AP2B1: variants seen among roughly 807,000 people sequenced by gnomAD.
The protein encoded by AP2B1 is adaptor related protein complex 2 subunit beta 1.
AP2B1 carries 23 observed loss-of-function variants against 102.0 expected under a neutral mutation model. The observed-to-expected ratio is 0.23, with a 90% CI of 0.16 to 0.32. The LOEUF (loss-of-function observed/expected upper bound fraction) is 0.32. Ranked by LOEUF, AP2B1 falls within the 10% of genes least tolerant of loss-of-function variation. AP2B1 has a pLI of 1.00. For missense variants in AP2B1, 541 were observed against 1,157.4 expected (o/e 0.47, Z 7.73); for synonymous variants, 381 against 421.2 (o/e 0.90, Z 1.17).
intron 3 of AP2B1, among the ~76,000 whole-genome samples, chr17:35,602,279 A>G (rs1317344084): frequency 1.3e-5 from 2 of 152,266 alleles, no homozygotes; most frequent in African/African-American, 4.8e-5. Flanking sequence ...ACTGAAGTGT[A>G]TATTTTAAAG....
At chr17:35,722,351 T>C (rs771607798) in intron 21 of AP2B1, among the ~76,000 whole-genome samples, 14 of 152,152 alleles carry the variant, frequency 9.2e-5, no homozygotes, top group Non-Finnish European at 1.8e-4. Context: ...ATAGCTATAT[T>C]CTTAAGTTAG....
At position 35,593,457 on chromosome 17, in the gene AP2B1, T is replaced by A. The variant is rs1047747530; in HGVS notation, c.-23-551T>A. Among the ~76,000 whole-genome samples the A allele has an allele frequency of 6.2e-5, 7 of 113,042 alleles. No homozygotes were observed. The South Asian group carries it at 1.5e-3, about 24-fold the overall frequency. 74.2% of individuals were successfully genotyped at this position (113,042 alleles called of 152,430 possible). The stretch of plus-strand genomic sequence containing the variant: ...CCCACAAAACTAAAAATTAAAAAAA[T>A]TCCATGCATAAGTCATGGTTGCCTC... On this transcript the variant is annotated intron_variant, in intron 1 of 21. Transcript: ENST00000610402.
intron 18 of AP2B1, among the ~76,000 whole-genome samples, chr17:35,706,725 C>T (rs2076346958): frequency 6.6e-6 from 1 of 152,034 alleles, no homozygotes; most frequent in Non-Finnish European, 1.5e-5. Flanking sequence ...ACTGCAACCT[C>T]TGCCTCCCGG....
At chr17:35,627,196 T>G (rs1333456049) in intron 7 of AP2B1, among the ~76,000 whole-genome samples, 189 bp from the exon 8 acceptor site, 1 of 148,598 alleles carries the variant, frequency 6.7e-6, no homozygotes, top group East Asian at 2.0e-4. Context: ...ATAAAAATAA[T>G]CTGCCAAGTG....
intron 20 of AP2B1, 75 bp from the exon 21 acceptor site, chr17:35,717,119 TA>T (rs1178114888): frequency 6.6e-7 from 1 of 1,504,626 alleles, no homozygotes; most frequent in East Asian, 2.3e-5. Context: ...ACATGGCTCA[TA>T]AGGATGTGAG....
intron 14 of AP2B1, among the ~76,000 whole-genome samples, chr17:35,666,369 G>A (rs1017673605): frequency 6.6e-6 from 1 of 152,188 alleles, no homozygotes; most frequent in Non-Finnish European, 1.5e-5. Context: ...ACAAATGTTA[G>A]TATTATTCTC....
intron 20 of AP2B1, 84 bp from the exon 21 acceptor site, chr17:35,717,111 A>T: frequency 6.8e-7 from 1 of 1,466,620 alleles, no homozygotes; most frequent in Non-Finnish European, 9.4e-7. Flanking sequence ...CTGAACACAC[A>T]TGGCTCATAA....
chr17:35,608,296 T>C lies in AP2B1; in HGVS notation c.434T>C (p.Val145Ala). ...GTTCGGAAAACAGCAGCAGTCTGCG[T>C]GGCAAAACTCCATGATATCAATGCC... ...PYVRKTAAVC[V>A]AKLHDINAQM... The change falls in exon 5 of 22, where the codon GTG (valine) becomes GCG (alanine). Residue 145 changes from valine (V) to alanine (A), a missense_variant. Physicochemically the swap from Val to Ala is moderately conservative, Grantham distance 64. Coordinates refer to ENST00000610402, the MANE Select transcript of AP2B1 (RefSeq NM_001030006.2). 4.3e-6 allele frequency: 7 copies of C among 1,614,212 alleles called. No individual in the cohort carries two copies. The highest frequency in any genetic ancestry group is 5.9e-6 in the Non-Finnish European group (7 of 1,180,038).
chr17:35,668,666 A>T (rs556418998), intron 14 of AP2B1, among the ~76,000 whole-genome samples: 1 of 152,224 alleles, frequency 6.6e-6, no homozygotes, highest in African/African-American at 2.4e-5. Flanking sequence ...TTTAAAACAC[A>T]TATCAACCCT....
chr17:35,590,390 C>T lies in AP2B1; in HGVS notation c.-24+2962C>T, dbSNP rs536111200. Among the ~76,000 whole-genome samples, 10 of 152,138 alleles carry T rather than the reference C, an allele frequency of 6.6e-5. No homozygotes were observed. In the South Asian group the frequency reaches 1.5e-3, roughly 22 times the overall value. On this transcript the variant is annotated intron_variant, in intron 1 of 21. Coordinates refer to ENST00000610402, the MANE Select transcript of AP2B1 (RefSeq NM_001030006.2). ...TGATTTTTTTTTGAGGTGAAATTCA[C>T]GTACCATAAAATTAACCAGGTTAAG...
At chr17:35,688,142 C>T (rs946694404) in intron 18 of AP2B1, among the ~76,000 whole-genome samples, 2 of 152,200 alleles carry the variant, frequency 1.3e-5, no homozygotes, top group Non-Finnish European at 2.9e-5. Flanking sequence ...CCTTCATCAG[C>T]TCTCTCCTAC....
At position 35,724,741 on chromosome 17, in the gene AP2B1, G is replaced by A. The variant is rs147842148; in HGVS notation, c.*1042G>A. ...CCGAGACCGAGTCTCCTAAGTCCCCGTCAGTGTGGTTTTCACCACAGGACT... is the reference window on the plus strand; with the variant it reads ...CCGAGACCGAGTCTCCTAAGTCCCCATCAGTGTGGTTTTCACCACAGGACT... On this transcript the variant is annotated 3_prime_UTR_variant, in exon 22 of 22. Coordinates refer to ENST00000610402, the MANE Select transcript of AP2B1 (RefSeq NM_001030006.2). The A allele has an allele frequency of 3.8e-4, 58 of 152,318 alleles. No individual in the cohort carries two copies. The highest frequency in any genetic ancestry group is 1.3e-3 in the African/African-American group (54 of 41,570). The allele number at this position is 152,318 out of a possible 1,614,324, so 9.4% of individuals were successfully genotyped here.
In AP2B1 at chr17:35,637,773, C is replaced by A. The variant is rs907638730; in HGVS notation, c.1271+1317C>A. Among the ~76,000 whole-genome samples the A allele has an allele frequency of 7.9e-4, 119 of 150,532 alleles. 1 individual carries two copies. Among genetic ancestry groups the A allele is most frequent in the Non-Finnish European group, 2.8e-4 (19 of 67,804 alleles). ...TGATCTCAGCTCACTGCAACCTCTGCCTCCCGGGTTCAAACATTCTCCTGC... is the reference window on the plus strand; with the variant it reads ...TGATCTCAGCTCACTGCAACCTCTGACTCCCGGGTTCAAACATTCTCCTGC... On this transcript the variant is annotated intron_variant, in intron 10 of 21. Transcript: ENST00000610402.
intron 14 of AP2B1, among the ~76,000 whole-genome samples, chr17:35,669,556 T>A (rs2075543234): frequency 6.6e-6 from 1 of 152,352 alleles, no homozygotes; most frequent in South Asian, 2.1e-4. Context: ...ATGCTTATAG[T>A]TTACAACAGA....
chr17:35,620,403 C>T (rs1950643781), intron 5 of AP2B1, among the ~76,000 whole-genome samples: 2 of 152,242 alleles, frequency 1.3e-5, no homozygotes, highest in East Asian at 3.9e-4. Flanking sequence ...TATGATTATG[C>T]CACTACACTG....
In AP2B1 at chr17:35,606,178, A is replaced by C. The variant is rs73990212; in HGVS notation, c.279+338A>C. 9.9e-3 allele frequency among the ~76,000 whole-genome samples: 1,509 copies of C among 152,280 alleles called. 25 individuals are homozygous for C. Among genetic ancestry groups the C allele is most frequent in the African/African-American group, 0.034 (1,403 of 41,558 alleles). On this transcript the variant is annotated intron_variant, in intron 4 of 21. Transcript: ENST00000610402. ...GTAGAAATTATACTTATGAGTCAGC[A>C]GTAGTGGAGACTGCCGGAGTTTCTA...
rs867697313 is a variant in AP2B1 at position 35,665,978 on chromosome 17, C to T, written c.1990-4879C>T. Among the ~76,000 whole-genome samples, 3 of 152,162 alleles carry T rather than the reference C, an allele frequency of 2.0e-5. No homozygotes were observed. In the South Asian group the frequency reaches 6.2e-4, roughly 31 times the overall value. On this transcript the variant is annotated intron_variant, in intron 14 of 21. Coordinates refer to ENST00000610402, the MANE Select transcript of AP2B1 (RefSeq NM_001030006.2). ...TATTCCTTTATAAAATTTAAAAATT[C>T]CTTTTCAAATTTTCTTTTCTTGGAG...
chr17:35,700,515 A>G (rs1368863163), intron 18 of AP2B1, among the ~76,000 whole-genome samples: 2 of 152,222 alleles, frequency 1.3e-5, no homozygotes, highest in Non-Finnish European at 2.9e-5. Context: ...TATAATCTCA[A>G]AGGCGAGCCC....
intron 15 of AP2B1, 125 bp from the exon 16 acceptor site, chr17:35,671,629 A>G: frequency 1.0e-6 from 1 of 976,202 alleles, no homozygotes; most frequent in South Asian, 1.6e-5. Flanking sequence ...TTGACTCCTA[A>G]GAATATTGTA....
Sources: allele counts gnomAD v4.1 joint callset (sites outside exome capture counted in the v4.1 genomes callset), GRCh38; gene constraint gnomAD v4.1.1; transcripts MANE v1.5; gene names NCBI Gene and HGNC (gene_info 2026-07-23, HGNC 2026-07-21).